The following KCNQ5 variants were observed in gnomAD, a reference collection of about 807,000 sequenced individuals.
The protein encoded by KCNQ5 is potassium voltage-gated channel subfamily KQT member 5.
A neutral mutation model predicts 98.2 loss-of-function variants in KCNQ5; 30 were observed. The observed-to-expected ratio is 0.31, with a 90% confidence interval of 0.23 to 0.41. KCNQ5 has a LOEUF of 0.41. Ranked by LOEUF, KCNQ5 falls within the 10% of genes least tolerant of loss-of-function variation. The pLI, the probability that KCNQ5 is intolerant of heterozygous loss-of-function variation, is 1.00. For missense variants in KCNQ5, 835 were observed against 1,182.5 expected (o/e 0.71, Z 4.31); for synonymous variants, 458 against 449.4 (o/e 1.02, Z -0.24).
At chr6:72,623,391 A>AGTGT (rs1214797915) in intron 1 of KCNQ5, among the ~76,000 whole-genome samples, 20,448 of 142,976 alleles carry the variant, frequency 0.14, 2,078 homozygotes, top group East Asian at 0.43. Flanking sequence ...GGAGTCAAAG[A>AGTGT]GTGTGTGTGT....
chr6:73,037,859 C>T (rs1771509858), intron 2 of KCNQ5, among the ~76,000 whole-genome samples: 1 of 151,984 alleles, frequency 6.6e-6, no homozygotes, highest in Non-Finnish European at 1.5e-5. Context: ...ATTCCAGGTC[C>T]TGTGCATTTC....
At chr6:73,169,107 T>C (rs1231038611) in intron 10 of KCNQ5, among the ~76,000 whole-genome samples, 7 of 152,238 alleles carry the variant, frequency 4.6e-5, no homozygotes, top group African/African-American at 7.2e-5. Context: ...GCATTTATTA[T>C]AACCCTGCTG....
intron 1 of KCNQ5, among the ~76,000 whole-genome samples, chr6:72,629,876 A>T (rs2098919858): frequency 6.6e-6 from 1 of 152,144 alleles, no homozygotes; most frequent in Non-Finnish European, 1.5e-5. Flanking sequence ...ACTTTTTTTC[A>T]TAATTAAAGA....
At chr6:72,827,393 A>AT (rs1776053547) in intron 1 of KCNQ5, among the ~76,000 whole-genome samples, 1 of 151,964 alleles carries the variant, frequency 6.6e-6, no homozygotes, top group South Asian at 2.1e-4. Context: ...ACCATTTGTT[A>AT]TTTTTTGTCT....
intron 1 of KCNQ5, among the ~76,000 whole-genome samples, chr6:72,826,669 A>G (rs1333296910): frequency 1.8e-4 from 27 of 152,142 alleles, no homozygotes; most frequent in Admixed American, 1.8e-3. Flanking sequence ...AATGATCAGA[A>G]CAGGGTAATT....
chr6:73,073,809 T>A (rs1401771344), intron 3 of KCNQ5, among the ~76,000 whole-genome samples: 1 of 152,196 alleles, frequency 6.6e-6, no homozygotes, highest in African/African-American at 2.4e-5. Flanking sequence ...AAGCTTCCTA[T>A]GTTTCAAAAA....
At chr6:72,937,616 C>G (rs1239658093) in intron 1 of KCNQ5, among the ~76,000 whole-genome samples, 1 of 152,090 alleles carries the variant, frequency 6.6e-6, no homozygotes, top group African/African-American at 2.4e-5. Context: ...GCATCCTCTC[C>G]CAAAATGAAG....
chr6:73,149,164 A>T (rs1386540536), intron 10 of KCNQ5, among the ~76,000 whole-genome samples: 1 of 152,196 alleles, frequency 6.6e-6, no homozygotes, highest in Non-Finnish European at 1.5e-5. Flanking sequence ...GAAATGAAAC[A>T]AGATGGGATG....
intron 1 of KCNQ5, among the ~76,000 whole-genome samples, chr6:72,680,177 A>T (rs1767633846): frequency 6.6e-6 from 1 of 152,234 alleles, no homozygotes; most frequent in South Asian, 2.1e-4. Flanking sequence ...GTCCATAAGC[A>T]GTACTCTCCA....
At chr6:72,850,265 T>C (rs1777196502) in intron 1 of KCNQ5, among the ~76,000 whole-genome samples, 1 of 152,112 alleles carries the variant, frequency 6.6e-6, no homozygotes, top group African/African-American at 2.4e-5. Context: ...TGAGTCAAAG[T>C]CTGGACTTGA....
chr6:72,658,761 G>A (rs888151210), intron 1 of KCNQ5, among the ~76,000 whole-genome samples: 2 of 150,888 alleles, frequency 1.3e-5, no homozygotes, highest in Non-Finnish European at 3.0e-5. Flanking sequence ...TGTATTTTTC[G>A]TAGAGACGGG....
chr6:72,799,157 G>A (rs1176197312), intron 1 of KCNQ5, among the ~76,000 whole-genome samples: 5 of 152,242 alleles, frequency 3.3e-5, no homozygotes, highest in Admixed American at 6.5e-5. Context: ...CAACTGTGGG[G>A]ACTGGGAAGT....
chr6:73,124,980 T>TAC (rs150667060), intron 9 of KCNQ5, among the ~76,000 whole-genome samples: 25 of 22,830 alleles, frequency 1.1e-3, no homozygotes, highest in East Asian at 1.8e-3. Flanking sequence ...TATATATATA[T>TAC]ACACACACAC....
intron 1 of KCNQ5, among the ~76,000 whole-genome samples, chr6:72,906,537 C>T (rs1200927013): frequency 6.6e-6 from 1 of 152,208 alleles, no homozygotes; most frequent in African/African-American, 2.4e-5. Context: ...GCAGTGATGG[C>T]CTGCTTGGGG....
chr6:73,130,579 T>C lies in KCNQ5; in HGVS notation c.1248-2842T>C, dbSNP rs142790172. ...CTGTTACATAAATCTTCAAAAATCA[T>C]ATTCGTAGATGTCACCAAAAAAAAG... On this transcript the variant is annotated intron_variant, in intron 9 of 13. Coordinates refer to ENST00000370398, the MANE Select transcript of KCNQ5 (RefSeq NM_019842.4). Among the ~76,000 whole-genome samples, 10 of 152,214 alleles carry C rather than the reference T, an allele frequency of 6.6e-5. No homozygotes were observed. The East Asian group carries it at 1.9e-3, about 29-fold the overall frequency.
Position 72,663,195 on chromosome 6 carries a change from G to A in KCNQ5, c.398+40608G>A, listed in dbSNP as rs577371141. Among the ~76,000 whole-genome samples the A allele has an allele frequency of 5.9e-5, 9 of 152,202 alleles. No individual in the cohort carries two copies. The South Asian group carries it at 1.2e-3, about 21-fold the overall frequency. ...TAGAAATACCTAATGTAGGTGATGG[G>A]TGCAGCAAACCACCATGGCACGTGT... On this transcript the variant is annotated intron_variant, in intron 1 of 13. Coordinates refer to ENST00000370398, the MANE Select transcript of KCNQ5 (RefSeq NM_019842.4).
At chr6:73,006,142 C>T (rs1353799199) in intron 2 of KCNQ5, among the ~76,000 whole-genome samples, 1 of 152,126 alleles carries the variant, frequency 6.6e-6, no homozygotes, top group Non-Finnish European at 1.5e-5. Context: ...AAAAGTCAAT[C>T]ATTAAGATGA....
At chr6:73,039,377 C>T (rs1366817637) in intron 2 of KCNQ5, among the ~76,000 whole-genome samples, 2 of 151,724 alleles carry the variant, frequency 1.3e-5, no homozygotes, top group East Asian at 3.9e-4. Flanking sequence ...GTTTATTTTA[C>T]CCTTCTTTTT....
intron 2 of KCNQ5, among the ~76,000 whole-genome samples, chr6:73,021,212 G>A (rs769154209): frequency 6.6e-6 from 1 of 152,028 alleles, no homozygotes; most frequent in Non-Finnish European, 1.5e-5. Context: ...GGTCTATAAC[G>A]GTGTTCATCA....
Sources: gnomAD v4.1 joint callset for allele counts (sites outside exome capture counted in the v4.1 genomes callset) on GRCh38, gnomAD v4.1.1 for gene constraint, MANE v1.5 for transcripts, NCBI Gene and HGNC (gene_info 2026-07-23, HGNC 2026-07-21) for gene names.